Variants in PICALM observed in about 807,000 individuals in gnomAD.
PICALM encodes phosphatidylinositol-binding clathrin assembly protein.
A neutral mutation model predicts 80.5 loss-of-function variants in PICALM; 40 were observed. That is an observed-to-expected ratio of 0.50 (90% CI 0.39 to 0.65). PICALM has a LOEUF of 0.65. PICALM is among the 30% of genes least tolerant of loss of function. The pLI is 0.00. For missense variants in PICALM, 676 were observed against 778.9 expected, an observed-to-expected ratio of 0.87 and a Z score of 1.57; for synonymous variants, 288 against 260.3, an observed-to-expected ratio of 1.11 and a Z score of -1.02.
chr11:85,986,452 G>A (rs965995536), intron 13 of PICALM, among the ~76,000 whole-genome samples: 7 of 134,974 alleles, frequency 5.2e-5, no homozygotes, highest in East Asian at 4.7e-4. Flanking sequence ...CTGCAGTGGC[G>A]CAATCTCGGC....
intron 3 of PICALM, chr11:86,023,529 C>T (rs2095601150): frequency 2.0e-6 from 2 of 984,884 alleles, no homozygotes; most frequent in Non-Finnish European, 2.4e-6. Flanking sequence ...TCCTTCAAGG[C>T]TCAACCTCTC....
intron 1 of PICALM, among the ~76,000 whole-genome samples, chr11:86,059,587 AG>A (rs1161542945): frequency 6.6e-6 from 1 of 152,146 alleles, no homozygotes; most frequent in Non-Finnish European, 1.5e-5. Flanking sequence ...GTTCGAGACC[AG>A]CCTAGGAAAG....
intron 1 of PICALM, among the ~76,000 whole-genome samples, chr11:86,053,446 G>C (rs2096222684): frequency 6.6e-6 from 1 of 152,198 alleles, no homozygotes; most frequent in Non-Finnish European, 1.5e-5. Flanking sequence ...TACTCCTTCA[G>C]GGTGCTGCTC....
chr11:85,979,459 T>C (rs2094375527), intron 17 of PICALM, among the ~76,000 whole-genome samples: 1 of 148,984 alleles, frequency 6.7e-6, no homozygotes, highest in South Asian at 2.1e-4. Flanking sequence ...CACTGCAATG[T>C]AGCCTGGGCA....
Position 85,988,807 on chromosome 11 carries a change from C to T in PICALM, c.1408+1443G>A, listed in dbSNP as rs181465422. Among the ~76,000 whole-genome samples, 449 of 152,228 alleles carry T rather than the reference C, an allele frequency of 2.9e-3. 3 individuals carry two copies. Among genetic ancestry groups the T allele is most frequent in the African/African-American group, 0.01 (431 of 41,542 alleles). ...AACTTGCTAAAAAAAGAACTTAAGG[C>T]TCCATGAAGTATTAAAAAAACATAT... On this transcript the variant is annotated intron_variant, in intron 13 of 19. Coordinates refer to ENST00000393346, the MANE Select transcript of PICALM (RefSeq NM_007166.4).
At chr11:85,989,938 A>G (rs961388109) in intron 13 of PICALM, among the ~76,000 whole-genome samples, 5 of 151,814 alleles carry the variant, frequency 3.3e-5, no homozygotes, top group African/African-American at 1.2e-4. Flanking sequence ...TCTCCAAACT[A>G]AAACAGGAAG....
chr11:86,018,519 T>C (rs949569908), intron 4 of PICALM, among the ~76,000 whole-genome samples: 2 of 152,118 alleles, frequency 1.3e-5, no homozygotes, highest in Admixed American at 1.3e-4. Flanking sequence ...GTCAATCCAC[T>C]GCTTTTATAA....
At chr11:86,059,743 C>CA (rs1439240951) in intron 1 of PICALM, among the ~76,000 whole-genome samples, 4 of 152,096 alleles carry the variant, frequency 2.6e-5, no homozygotes, top group African/African-American at 9.7e-5. Flanking sequence ...GCTTGGGTGA[C>CA]AGAGCCAGAC....
chr11:86,006,858 A>C (rs1330490524), intron 8 of PICALM, among the ~76,000 whole-genome samples: 1 of 152,214 alleles, frequency 6.6e-6, no homozygotes, highest in Non-Finnish European at 1.5e-5. Context: ...GATGATGATG[A>C]TAAAGACAAT....
intron 19 of PICALM, among the ~76,000 whole-genome samples, chr11:85,967,877 C>G (rs959397148): frequency 6.6e-6 from 1 of 152,226 alleles, no homozygotes; most frequent in Admixed American, 6.5e-5. Context: ...GCACTCACAA[C>G]AAGCCATCAT....
At chr11:86,027,796 T>A (rs1029962941) in intron 2 of PICALM, among the ~76,000 whole-genome samples, 5 of 152,118 alleles carry the variant, frequency 3.3e-5, no homozygotes, top group African/African-American at 9.7e-5. Context: ...CTCAGGATTA[T>A]AGGTATGAGA....
intron 7 of PICALM, among the ~76,000 whole-genome samples, chr11:86,010,328 G>GC (rs2095369850): frequency 6.8e-6 from 1 of 146,280 alleles, no homozygotes; most frequent in African/African-American, 2.5e-5. Context: ...GGGAACAAAA[G>GC]CTTTTTTTTT....
intron 8 of PICALM, among the ~76,000 whole-genome samples, chr11:86,005,410 A>C (rs541210511): frequency 6.6e-6 from 1 of 152,294 alleles, no homozygotes; most frequent in South Asian, 2.1e-4. Flanking sequence ...CACGACAAAG[A>C]GTGAGGAGGC....
At chr11:86,023,418 A>C (rs1415908690) in intron 3 of PICALM, 4 of 981,612 alleles carry the variant, frequency 4.1e-6, no homozygotes, top group Non-Finnish European at 4.8e-6. Context: ...CTTCATACCT[A>C]CTACTGTACA....
intron 12 of PICALM, among the ~76,000 whole-genome samples, chr11:85,994,253 T>A (rs997104966): frequency 6.6e-6 from 1 of 152,196 alleles, no homozygotes; most frequent in African/African-American, 2.4e-5. Context: ...TCTCAGATAT[T>A]AGTATTCAAT....
chr11:86,054,309 G>T (rs2096237754), intron 1 of PICALM, among the ~76,000 whole-genome samples: 1 of 152,120 alleles, frequency 6.6e-6, no homozygotes, highest in Non-Finnish European at 1.5e-5. Context: ...AAAATACATT[G>T]CTAGTTTCAC....
intron 1 of PICALM, among the ~76,000 whole-genome samples, chr11:86,056,134 T>TAAAAAAA (rs376759395): frequency 0.016 from 1,229 of 76,688 alleles, 127 homozygotes; most frequent in African/African-American, 0.019. Flanking sequence ...GACTCTGTCT[T>TAAAAAAA]TAAAAAAAAA....
intron 4 of PICALM, among the ~76,000 whole-genome samples, chr11:86,019,393 T>C (rs11234515): frequency 1.3e-5 from 2 of 152,330 alleles, no homozygotes; most frequent in East Asian, 1.9e-4. Flanking sequence ...TCAATACTAA[T>C]TTTATTGTAC....
intron 3 of PICALM, among the ~76,000 whole-genome samples, chr11:86,024,269 G>A (rs912805018): frequency 6.6e-6 from 1 of 151,080 alleles, no homozygotes; most frequent in African/African-American, 2.4e-5. Context: ...AATGCATTTT[G>A]TAACAATGGG....
Sources: allele counts gnomAD v4.1 joint callset (sites outside exome capture counted in the v4.1 genomes callset), GRCh38; gene constraint gnomAD v4.1.1; transcripts MANE v1.5; gene names NCBI Gene and HGNC (gene_info 2026-07-23, HGNC 2026-07-21).